Variants in XKR9 observed in about 807,000 individuals in gnomAD.
The protein encoded by XKR9 is XK-related protein 9.
In XKR9, 32 loss-of-function variants were observed where a neutral mutation model predicts 32.0. That is an observed-to-expected ratio of 1.00 (90% confidence interval 0.76 to 1.34). The LOEUF is 1.34. Ranked by LOEUF, XKR9 falls within the 40% of genes most tolerant of loss-of-function variation. XKR9 has a pLI of 0.00. For synonymous variants in XKR9, 168 were observed against 143.4 expected (o/e 1.17, Z -1.22); for missense variants, 546 against 429.7 (o/e 1.27, Z -2.39).
the XKR9 span, among the ~76,000 whole-genome samples, chr8:71,016,663 T>C: frequency 4.6e-5 from 7 of 152,170 alleles, no homozygotes; most frequent in Non-Finnish European, 1.0e-4. Context: ...ATCAAATACA[T>C]TACAGATATG....
intron 4 of XKR9, among the ~76,000 whole-genome samples, chr8:70,725,350 G>GTA (rs1413800221): frequency 6.6e-6 from 1 of 152,118 alleles, no homozygotes; most frequent in African/African-American, 2.4e-5. Flanking sequence ...AGAAATGTGT[G>GTA]TATATATGTG....
At chr8:70,852,098 ACAAT>A in the XKR9 span, among the ~76,000 whole-genome samples, 31 of 152,338 alleles carry the variant, frequency 2.0e-4, no homozygotes, top group Admixed American at 1.4e-3. Flanking sequence ...AAAAAAACAA[ACAAT>A]CCCATCAAAA....
the XKR9 span, among the ~76,000 whole-genome samples, chr8:70,933,922 G>A: frequency 6.6e-6 from 1 of 151,864 alleles, no homozygotes; most frequent in Non-Finnish European, 1.5e-5. Flanking sequence ...GATTCTCATG[G>A]TAAACATTTA....
At chr8:70,791,945 G>T (rs1187848598), downstream of XKR9, among the ~76,000 whole-genome samples, 2 of 152,056 alleles carry the variant, frequency 1.3e-5, no homozygotes, top group Non-Finnish European at 2.9e-5. Context: ...GGGGCCAAGT[G>T]ACTTAGTAAG....
At chr8:70,842,059 T>C in the XKR9 span, among the ~76,000 whole-genome samples, 3 of 152,192 alleles carry the variant, frequency 2.0e-5, no homozygotes, top group Non-Finnish European at 4.4e-5. Flanking sequence ...TTAGACAAAA[T>C]AGATATCTCA....
intron 2 of XKR9, among the ~76,000 whole-genome samples, chr8:70,776,336 CA>C (rs1807519956): frequency 6.6e-6 from 1 of 152,084 alleles, no homozygotes; most frequent in South Asian, 2.1e-4. Context: ...AAGCAATCAA[CA>C]TTTTTTCACT....
chr8:70,762,580 C>T (rs772975199), intron 2 of XKR9, among the ~76,000 whole-genome samples: 10 of 152,210 alleles, frequency 6.6e-5, no homozygotes, highest in Non-Finnish European at 1.5e-4. Flanking sequence ...CCTCACCTCA[C>T]CTGCATCCAT....
At chr8:70,896,184 T>G in the XKR9 span, among the ~76,000 whole-genome samples, 46 of 152,092 alleles carry the variant, frequency 3.0e-4, no homozygotes, top group African/African-American at 1.1e-3. Context: ...TATAATGTCT[T>G]TTTCTGGTTT....
intron 3 of XKR9, among the ~76,000 whole-genome samples, chr8:70,698,095 C>T (rs1456706152): frequency 6.6e-6 from 1 of 152,140 alleles, no homozygotes; most frequent in East Asian, 1.9e-4. Flanking sequence ...ATTAGTCTTG[C>T]TAGCGGTCTA....
chr8:70,994,765 CTTGTT>C, the XKR9 span, among the ~76,000 whole-genome samples: 6 of 134,334 alleles, frequency 4.5e-5, no homozygotes, highest in Non-Finnish European at 9.8e-5. Context: ...TTTTTTTTGC[CTTGTT>C]TTGTTTTATT....
chr8:71,011,558 TG>T, the XKR9 span, among the ~76,000 whole-genome samples: 4 of 152,242 alleles, frequency 2.6e-5, no homozygotes, highest in African/African-American at 9.6e-5. Context: ...TTTAACTGCT[TG>T]GTTGATATAA....
the XKR9 span, among the ~76,000 whole-genome samples, chr8:71,027,658 T>C: frequency 7.9e-5 from 12 of 152,024 alleles, no homozygotes; most frequent in East Asian, 2.3e-3. Context: ...TCTAAGGGAA[T>C]GTGTGCGCCT....
the XKR9 span, among the ~76,000 whole-genome samples, chr8:71,016,739 A>G: frequency 1.2e-4 from 19 of 152,334 alleles, no homozygotes; most frequent in African/African-American, 4.6e-4. Context: ...TTCCACCAGT[A>G]GTAATAAATT....
intron 2 of XKR9, among the ~76,000 whole-genome samples, chr8:70,743,297 A>G (rs964073681): frequency 6.6e-6 from 1 of 152,152 alleles, no homozygotes; most frequent in Non-Finnish European, 1.5e-5. Flanking sequence ...ATATATCATA[A>G]GCATATTTTT....
chr8:70,973,454 A>C, the XKR9 span, among the ~76,000 whole-genome samples: 1 of 152,016 alleles, frequency 6.6e-6, no homozygotes, highest in South Asian at 2.1e-4. Context: ...GTTTTAATTT[A>C]ATTTACTTCT....
the XKR9 span, among the ~76,000 whole-genome samples, chr8:71,050,258 T>TAGATAG: frequency 1.1e-4 from 12 of 106,620 alleles, no homozygotes; most frequent in African/African-American, 2.5e-4. Context: ...TATATATATA[T>TAGATAG]ATAGATAGAT....
At chr8:70,878,117 T>C in the XKR9 span, among the ~76,000 whole-genome samples, 3 of 152,046 alleles carry the variant, frequency 2.0e-5, no homozygotes, top group African/African-American at 7.2e-5. Flanking sequence ...TGCTGAGAGA[T>C]TTGTCACCAC....
the XKR9 span, among the ~76,000 whole-genome samples, chr8:70,819,886 T>C: frequency 6.6e-6 from 1 of 152,180 alleles, no homozygotes; most frequent in African/African-American, 2.4e-5. Context: ...CTAGAGTCTT[T>C]TAAGTGAATT....
At chr8:70,781,496 G>GCATATCCA (rs2130252851) in intron 2 of XKR9, among the ~76,000 whole-genome samples, 1 of 150,304 alleles carries the variant, frequency 6.7e-6, no homozygotes, top group Non-Finnish European at 1.5e-5. Flanking sequence ...ACGGTAATCA[G>GCATATCCA]CATATCCATT....
Sources: gnomAD v4.1 joint callset for allele counts (sites outside exome capture counted in the v4.1 genomes callset) on GRCh38, gnomAD v4.1.1 for gene constraint, MANE v1.5 for transcripts, NCBI Gene and HGNC (gene_info 2026-07-23, HGNC 2026-07-21) for gene names.